The following FTO variants were observed in gnomAD, a reference collection of about 807,000 sequenced individuals.
FTO encodes the protein FTO alpha-ketoglutarate dependent dioxygenase.
FTO carries 47 observed loss-of-function variants against 63.9 expected under a neutral mutation model. That is an observed-to-expected ratio of 0.74 (90% CI 0.58 to 0.94). The LOEUF is 0.94. Ranked by LOEUF, FTO falls within the 40% of genes least tolerant of loss-of-function variation. The probability of loss-of-function intolerance (pLI) is 0.00; values close to 1 mark genes in which losing one functional copy is unlikely to be tolerated. For missense variants in FTO, 562 were observed against 618.1 expected, an observed-to-expected ratio of 0.91 and a Z score of 0.96; for synonymous variants, 207 against 224.4, an observed-to-expected ratio of 0.92 and a Z score of 0.69.
chr16:53,749,000 A>G (rs970575105), intron 1 of FTO, among the ~76,000 whole-genome samples: 10 of 151,972 alleles, frequency 6.6e-5, no homozygotes, highest in Non-Finnish European at 1.5e-4. Flanking sequence ...TCCTGACCTC[A>G]GGTGATCCAC....
At chr16:53,810,103 G>A (rs1484926022) in intron 1 of FTO, 37 bp from the exon 2 acceptor site, 2 of 1,368,208 alleles carry the variant, frequency 1.5e-6, no homozygotes, top group East Asian at 4.6e-5. Flanking sequence ...TTGGGTTATT[G>A]CATATTCACT....
intron 8 of FTO, among the ~76,000 whole-genome samples, chr16:54,059,812 A>G (rs1599294538): frequency 1.3e-5 from 2 of 152,234 alleles, no homozygotes; most frequent in Admixed American, 6.5e-5. Context: ...TTGTGTTGAC[A>G]GTTGTAAAGT....
At chr16:53,869,342 C>T (rs1567379703) in intron 4 of FTO, among the ~76,000 whole-genome samples, 1 of 151,940 alleles carries the variant, frequency 6.6e-6, no homozygotes, top group East Asian at 1.9e-4. Flanking sequence ...CTTTGACTTT[C>T]TGCAGTTTGA....
intron 4 of FTO, among the ~76,000 whole-genome samples, chr16:53,864,465 C>G (rs1364122009): frequency 6.6e-6 from 1 of 152,088 alleles, no homozygotes; most frequent in Non-Finnish European, 1.5e-5. Context: ...ATTGGTTACC[C>G]TAGCATAAAT....
intron 1 of FTO, among the ~76,000 whole-genome samples, chr16:53,710,168 TTTTA>T (rs10685934): frequency 2.0e-3 from 300 of 150,946 alleles, no homozygotes; most frequent in African/African-American, 6.3e-3. Context: ...GCAAGCTATC[TTTTA>T]TTTATTTATT....
intron 8 of FTO, among the ~76,000 whole-genome samples, chr16:54,099,074 G>T (rs1241147513): frequency 2.0e-5 from 3 of 152,168 alleles, no homozygotes; most frequent in Non-Finnish European, 2.9e-5. Context: ...GGTCCTTTGT[G>T]GAGTTCTGTG....
intron 8 of FTO, among the ~76,000 whole-genome samples, chr16:54,088,978 C>T (rs1364040140): frequency 1.3e-5 from 2 of 152,182 alleles, no homozygotes; most frequent in Admixed American, 6.5e-5. Flanking sequence ...AAATCTCTTA[C>T]AAATCCAATA....
intron 8 of FTO, among the ~76,000 whole-genome samples, chr16:53,958,799 C>T (rs2082995713): frequency 1.3e-5 from 2 of 152,140 alleles, no homozygotes; most frequent in Non-Finnish European, 2.9e-5. Flanking sequence ...GACATCTAGG[C>T]CGGTGGATTC....
intron 7 of FTO, among the ~76,000 whole-genome samples, chr16:53,912,054 T>A (rs2081723301): frequency 6.6e-6 from 1 of 152,256 alleles, no homozygotes; most frequent in African/African-American, 2.4e-5. Context: ...GCAAATTGCA[T>A]GGAAGAAACT....
intron 7 of FTO, among the ~76,000 whole-genome samples, chr16:53,910,762 C>T (rs1567427111): frequency 6.6e-6 from 1 of 152,184 alleles, no homozygotes; most frequent in Non-Finnish European, 1.5e-5. Context: ...TGTCAAACTC[C>T]TGACCTCAGG....
Position 53,831,370 on chromosome 16 carries a change from C to A in FTO, c.751+4879C>A, listed in dbSNP as rs187483885. On this transcript the variant is annotated intron_variant, in intron 3 of 8. Coordinates refer to ENST00000471389, the MANE Select transcript of FTO (RefSeq NM_001080432.3). ...AAAACTTGTTTGGTCTTATAAGTCA[C>A]ATTTTTGGGGGTGACCATCCAGTTA... Among the ~76,000 whole-genome samples the A allele has an allele frequency of 1.3e-3, 191 of 152,114 alleles. 1 individual carries two copies. Among genetic ancestry groups the A allele is most frequent in the Non-Finnish European group, 1.9e-3 (126 of 68,006 alleles).
In FTO at chr16:53,934,020, G is replaced by A; in HGVS notation, c.1275G>A (p.Gly425=). The A allele has an allele frequency of 6.2e-7, 1 of 1,613,876 alleles. No homozygotes were observed. The highest frequency in any genetic ancestry group is 1.6e-4 in the Middle Eastern group (1 of 6,062). ...NAVLHEVKRE[G]LPVEQRNEIL... is the part of the protein sequence containing the mutation. ...TGCTTCATGAAGTTAAAAGAGAGGG[G>A]CTCCCCGTGGAACAAAGGAATGAAA... Residue 425 remains glycine (G), a synonymous_variant, in exon 8 of 9, where the codon GGG becomes GGA. Coordinates refer to ENST00000471389, the MANE Select transcript of FTO (RefSeq NM_001080432.3).
At chr16:53,798,955 A>G (rs1314778641) in intron 1 of FTO, among the ~76,000 whole-genome samples, 3 of 152,124 alleles carry the variant, frequency 2.0e-5, no homozygotes, top group Non-Finnish European at 4.4e-5. Context: ...ATTGTTGGGT[A>G]TTGTCTAATG....
At chr16:53,882,445 C>A (rs942507005) in intron 6 of FTO, among the ~76,000 whole-genome samples, 3 of 151,374 alleles carry the variant, frequency 2.0e-5, no homozygotes, top group Non-Finnish European at 4.4e-5. Flanking sequence ...GAAAAGATGT[C>A]CTTTGAGCAG....
rs114512515 is a variant in FTO, at chr16:53,770,822, C to T, written c.46-39318C>T. Among the ~76,000 whole-genome samples the T allele has an allele frequency of 2.5e-3, 384 of 152,244 alleles. 2 individuals carry two copies. Among genetic ancestry groups the T allele is most frequent in the African/African-American group, 8.9e-3 (371 of 41,550 alleles). On this transcript the variant is annotated intron_variant, in intron 1 of 8. Coordinates refer to ENST00000471389, the MANE Select transcript of FTO (RefSeq NM_001080432.3). The stretch of plus-strand genomic sequence containing the variant: ...TGAAGGCGAGGCTTTGGTCTGCCTT[C>T]TGAGTCATTCTTGGCTTCTTGGATG...
chr16:53,730,003 C>T (rs2076237363), intron 1 of FTO, among the ~76,000 whole-genome samples: 1 of 152,144 alleles, frequency 6.6e-6, no homozygotes, highest in South Asian at 2.1e-4. Context: ...TGGCATACAA[C>T]AAGCACTTTA....
At chr16:54,055,327 G>A (rs2085407188) in intron 8 of FTO, among the ~76,000 whole-genome samples, 1 of 152,198 alleles carries the variant, frequency 6.6e-6, no homozygotes, top group Non-Finnish European at 1.5e-5. Flanking sequence ...ACATGATTTA[G>A]TGAGCTGGTT....
Position 53,934,037 on chromosome 16 carries a change from G to T in FTO, c.1292G>T (p.Arg431Met). The change falls in exon 8 of 9, where the codon AGG (arginine) becomes ATG (methionine). Residue 431 changes from arginine to methionine, a missense_variant. Coordinates refer to ENST00000471389, the MANE Select transcript of FTO (RefSeq NM_001080432.3). Reference protein sequence around the residue: ...VKREGLPVEQRNEILTAILAS... With the variant: ...VKREGLPVEQMNEILTAILAS... ...AGAGAGGGGCTCCCCGTGGAACAAA[G>T]GAATGAAATCTTGACTGCCATCCTT... 6.2e-7 allele frequency: 1 copy of T among 1,614,102 alleles called. No individual in the cohort carries two copies. The highest frequency in any genetic ancestry group is 1.7e-5 in the Admixed American group (1 of 60,026).
At chr16:53,948,754 G>A (rs1171797036) in intron 8 of FTO, among the ~76,000 whole-genome samples, 1 of 152,210 alleles carries the variant, frequency 6.6e-6, no homozygotes, top group African/African-American at 2.4e-5. Context: ...AACATGTGTG[G>A]AGCCTGGACA....
Sources: allele counts gnomAD v4.1 joint callset (sites outside exome capture counted in the v4.1 genomes callset), GRCh38; gene constraint gnomAD v4.1.1; transcripts MANE v1.5; gene names NCBI Gene and HGNC (gene_info 2026-07-23, HGNC 2026-07-21).